LRRC4C: variants seen among roughly 807,000 people sequenced by gnomAD.
The protein encoded by LRRC4C is leucine-rich repeat-containing protein 4C.
Under a neutral mutation model 33.6 loss-of-function variants are expected in LRRC4C, and 5 were observed. The observed-to-expected ratio is 0.15, with a 90% CI of 0.08 to 0.31. The LOEUF (loss-of-function observed/expected upper bound fraction) is 0.31. LRRC4C is among the 10% of genes least tolerant of loss of function. The probability of loss-of-function intolerance (pLI) is 1.00; values close to 1 mark genes in which losing one functional copy is unlikely to be tolerated. For missense variants in LRRC4C, 560 were observed against 796.7 expected, an observed-to-expected ratio of 0.70 and a Z score of 3.58; for synonymous variants, 329 against 302.0, an observed-to-expected ratio of 1.09 and a Z score of -0.93.
intron 4 of LRRC4C, among the ~76,000 whole-genome samples, chr11:40,269,594 A>G (rs536397903): frequency 1.3e-5 from 2 of 152,222 alleles, no homozygotes; most frequent in Admixed American, 1.3e-4. Flanking sequence ...ACTCCCCTAC[A>G]ATGACACAAA....
chr11:40,987,681 T>TATATATATG lies in LRRC4C; in HGVS notation c.-495-53959_-495-53958insCATATATAT, dbSNP rs1565274746. On this transcript the variant is annotated intron_variant, in intron 1 of 6. Coordinates refer to ENST00000528697, the MANE Select transcript of LRRC4C (RefSeq NM_001258419.2). ...ATATATATGAGATATAAATGATATA[T>TATATATATG]ATATATATATCTCATATATATGAGA... Among the ~76,000 whole-genome samples, 195 of 74,628 alleles carry TATATATATG rather than the reference T, an allele frequency of 2.6e-3. 6 individuals are homozygous for TATATATATG. The South Asian group carries it at 0.031, about 12-fold the overall frequency. 49.0% of individuals were successfully genotyped at this position (74,628 alleles called of 152,430 possible).
chr11:40,697,992 C>T (rs1253205747), intron 2 of LRRC4C, among the ~76,000 whole-genome samples: 6 of 150,442 alleles, frequency 4.0e-5, no homozygotes, highest in African/African-American at 9.8e-5. Flanking sequence ...GGCATGAACC[C>T]GGGAGGCAGA....
At chr11:40,733,914 A>T (rs943752847) in intron 2 of LRRC4C, among the ~76,000 whole-genome samples, 1 of 152,192 alleles carries the variant, frequency 6.6e-6, no homozygotes, top group Admixed American at 6.5e-5. Context: ...GAGAAAAGTA[A>T]GTCAGAATAG....
At chr11:40,760,863 G>A (rs1949178953) in intron 2 of LRRC4C, among the ~76,000 whole-genome samples, 1 of 144,498 alleles carries the variant, frequency 6.9e-6, no homozygotes, top group Non-Finnish European at 1.5e-5. Context: ...ATGTATATAT[G>A]TATGTATATT....
At chr11:41,380,435 G>A (rs1057242655) in intron 1 of LRRC4C, among the ~76,000 whole-genome samples, 1 of 151,944 alleles carries the variant, frequency 6.6e-6, no homozygotes, top group Non-Finnish European at 1.5e-5. Flanking sequence ...TTTTTTTCAT[G>A]TGCAGCTATG....
intron 1 of LRRC4C, among the ~76,000 whole-genome samples, chr11:41,323,751 A>T (rs78140686): frequency 0.027 from 4,176 of 152,244 alleles, 183 homozygotes; most frequent in African/African-American, 0.095. Context: ...CTGGTGTATG[A>T]CTCAAAAGAA....
chr11:41,269,351 A>T (rs1410305403), intron 1 of LRRC4C, among the ~76,000 whole-genome samples: 1 of 152,010 alleles, frequency 6.6e-6, no homozygotes, highest in Non-Finnish European at 1.5e-5. Context: ...CTTCATCTAA[A>T]TTGCCTTGCC....
intron 2 of LRRC4C, among the ~76,000 whole-genome samples, chr11:40,690,649 A>C (rs931183357): frequency 6.6e-5 from 10 of 152,188 alleles, no homozygotes; most frequent in African/African-American, 1.2e-4. Flanking sequence ...AAAAACCTCT[A>C]CATGTTTATG....
intron 3 of LRRC4C, among the ~76,000 whole-genome samples, chr11:40,455,218 G>A (rs1440123): frequency 0.36 from 54,553 of 151,972 alleles, 10,324 homozygotes; most frequent in East Asian, 0.52. Flanking sequence ...TAACAACAAA[G>A]TCATGCAGAG....
rs528295012 is a variant in LRRC4C, at chr11:40,706,693, G to T, written c.-406-58415C>A. ...GCTTAGGATTGTCTTGTCAATGCAGGCTCTTTTTTGATTCCATATGAACTT... is the reference window on the plus strand; with the variant it reads ...GCTTAGGATTGTCTTGTCAATGCAGTCTCTTTTTTGATTCCATATGAACTT... On this transcript the variant is annotated intron_variant, in intron 2 of 6. Transcript: ENST00000528697. 6.6e-5 allele frequency among the ~76,000 whole-genome samples: 10 copies of T among 152,254 alleles called. No homozygotes were observed. The South Asian group carries it at 1.0e-3, about 16-fold the overall frequency.
intron 3 of LRRC4C, among the ~76,000 whole-genome samples, chr11:40,379,331 G>A (rs954369471): frequency 5.3e-5 from 8 of 152,008 alleles, no homozygotes; most frequent in Non-Finnish European, 8.8e-5. Flanking sequence ...ATTAGGCTTC[G>A]TCTAGGCCCA....
chr11:40,597,767 C>G (rs1342712924), intron 3 of LRRC4C, among the ~76,000 whole-genome samples: 1 of 152,174 alleles, frequency 6.6e-6, no homozygotes, highest in African/African-American at 2.4e-5. Context: ...TTTCCTCTTG[C>G]TGACTGCACT....
chr11:40,355,045 A>T (rs1219152109), intron 3 of LRRC4C, among the ~76,000 whole-genome samples: 3 of 152,138 alleles, frequency 2.0e-5, no homozygotes, highest in Non-Finnish European at 4.4e-5. Context: ...AGGCTGCTTA[A>T]TCAACAGGTG....
chr11:40,603,636 T>C (rs1178438548), intron 3 of LRRC4C, among the ~76,000 whole-genome samples: 1 of 152,178 alleles, frequency 6.6e-6, no homozygotes, highest in Non-Finnish European at 1.5e-5. Flanking sequence ...AAAAATTTAG[T>C]ATAATGTAGA....
At chr11:41,013,756 G>T (rs1422353413) in intron 1 of LRRC4C, among the ~76,000 whole-genome samples, 1 of 152,074 alleles carries the variant, frequency 6.6e-6, no homozygotes, top group Non-Finnish European at 1.5e-5. Context: ...CCTGAGACTG[G>T]GTGATTTATA....
intron 1 of LRRC4C, among the ~76,000 whole-genome samples, chr11:40,963,768 T>A (rs1294369217): frequency 2.0e-5 from 3 of 151,792 alleles, no homozygotes; most frequent in Non-Finnish European, 4.4e-5. Context: ...AATATTGGGA[T>A]AGAGATGGGG....
intron 1 of LRRC4C, among the ~76,000 whole-genome samples, chr11:41,374,109 C>G (rs1952853672): frequency 6.6e-6 from 1 of 152,146 alleles, no homozygotes; most frequent in African/African-American, 2.4e-5. Context: ...CCCCAAACTT[C>G]TAGACTTGGG....
chr11:40,384,875 T>C (rs1042515510), intron 3 of LRRC4C, among the ~76,000 whole-genome samples: 2 of 152,192 alleles, frequency 1.3e-5, no homozygotes, highest in African/African-American at 4.8e-5. Context: ...AACCTTTTAA[T>C]AAATTCTGGA....
At chr11:40,637,365 T>C (rs188667815) in intron 3 of LRRC4C, among the ~76,000 whole-genome samples, 18 of 152,348 alleles carry the variant, frequency 1.2e-4, no homozygotes, top group African/African-American at 3.4e-4. Flanking sequence ...TGACTAAGTA[T>C]AGAATTAAAA....
Sources: gnomAD v4.1 joint callset for allele counts (sites outside exome capture counted in the v4.1 genomes callset) on GRCh38, gnomAD v4.1.1 for gene constraint, MANE v1.5 for transcripts, NCBI Gene and HGNC (gene_info 2026-07-23, HGNC 2026-07-21) for gene names.